The following DAAM1 variants were observed in gnomAD, a reference collection of about 807,000 sequenced individuals.
DAAM1 encodes disheveled-associated activator of morphogenesis 1.
Under a neutral mutation model 130.0 loss-of-function variants are expected in DAAM1, and 52 were observed. The observed-to-expected ratio is 0.40, with a 90% CI of 0.32 to 0.50. The LOEUF (loss-of-function observed/expected upper bound fraction) is 0.50, where lower values mean the gene tolerates loss of function less well. Among genes scored for constraint, DAAM1 ranks in the 20% least tolerant of loss-of-function variants. The pLI, the probability that DAAM1 is intolerant of heterozygous loss-of-function variation, is 0.61. For missense variants in DAAM1, 1,134 were observed against 1,303.8 expected, an observed-to-expected ratio of 0.87 and a Z score of 2.01; for synonymous variants, 452 against 444.5, an observed-to-expected ratio of 1.02 and a Z score of -0.21.
At position 59,327,402 on chromosome 14, in the gene DAAM1, C is replaced by CTTTTTTTTTTTTTTTT. The variant is rs386381493; in HGVS notation, c.1372+420_1372+435dup. On this transcript the variant is annotated intron_variant, in intron 12 of 24. Coordinates refer to ENST00000360909, the MANE Select transcript of DAAM1 (RefSeq NM_001270520.2). The stretch of plus-strand genomic sequence containing the variant: ...AAGAGAAGAACAGGTCACTTGGTTT[C>CTTTTTTTTTTTTTTTT]TTTTTTTTTTTTTTTTTTTTTTTTG... Among the ~76,000 whole-genome samples the CTTTTTTTTTTTTTTTT allele has an allele frequency of 8.8e-4, 52 of 58,988 alleles. 7 individuals carry two copies. The highest frequency in any genetic ancestry group is 2.0e-3 in the East Asian group (4 of 2,046). 38.7% of individuals were successfully genotyped at this position (58,988 alleles called of 152,430 possible). A position where few individuals can be genotyped will look rare whatever the true frequency, so the allele number is the denominator to read the frequency against.
intron 20 of DAAM1, among the ~76,000 whole-genome samples, chr14:59,358,716 G>A (rs1003229856): frequency 7.2e-5 from 11 of 151,878 alleles, no homozygotes; most frequent in South Asian, 2.1e-4. Flanking sequence ...GGTGGCTGGC[G>A]CCTGTAATCC....
At chr14:59,223,768 A>G (rs896594978) in intron 1 of DAAM1, among the ~76,000 whole-genome samples, 2 of 152,172 alleles carry the variant, frequency 1.3e-5, no homozygotes, top group Non-Finnish European at 2.9e-5. Context: ...GGCCAAATAT[A>G]ACAACTTGTA....
At chr14:59,359,274 C>A in intron 20 of DAAM1, 123 bp from the exon 21 acceptor site, 1 of 728,544 alleles carries the variant, frequency 1.4e-6, no homozygotes, top group Non-Finnish European at 2.2e-6. Flanking sequence ...GGTAATATAG[C>A]ATTATTGTGG....
chr14:59,201,005 C>CA (rs1373846000), intron 1 of DAAM1, among the ~76,000 whole-genome samples: 8 of 151,552 alleles, frequency 5.3e-5, no homozygotes, highest in African/African-American at 1.7e-4. Context: ...ACTAAAAATA[C>CA]AAAAAATCAG....
At chr14:59,278,647 G>A (rs148353003) in intron 2 of DAAM1, among the ~76,000 whole-genome samples, 94 of 152,260 alleles carry the variant, frequency 6.2e-4, no homozygotes, top group African/African-American at 2.3e-3. Flanking sequence ...AGGACTTCTT[G>A]TTAATATTAA....
chr14:59,245,152 A>G (rs1179935770), intron 1 of DAAM1, among the ~76,000 whole-genome samples: 2 of 152,222 alleles, frequency 1.3e-5, no homozygotes, highest in Non-Finnish European at 2.9e-5. Flanking sequence ...GATCAAATGC[A>G]TCCTTCAAAT....
chr14:59,306,227 G>T (rs1290050245), intron 3 of DAAM1, among the ~76,000 whole-genome samples: 1 of 152,172 alleles, frequency 6.6e-6, no homozygotes, highest in Non-Finnish European at 1.5e-5. Flanking sequence ...GTTCAGAAAT[G>T]TGTAAGTCTA....
At chr14:59,292,879 C>T (rs1883806323) in intron 3 of DAAM1, among the ~76,000 whole-genome samples, 1 of 152,146 alleles carries the variant, frequency 6.6e-6, no homozygotes, top group African/African-American at 2.4e-5. Context: ...TCTTTGTATA[C>T]ATTGAACCAA....
At chr14:59,301,920 G>A (rs1024730892) in intron 3 of DAAM1, among the ~76,000 whole-genome samples, 3 of 152,192 alleles carry the variant, frequency 2.0e-5, no homozygotes, top group Admixed American at 6.5e-5. Context: ...AAAAATGTGT[G>A]TGCTTTGTGG....
At chr14:59,268,981 T>C (rs765797000) in intron 2 of DAAM1, among the ~76,000 whole-genome samples, 4 of 152,244 alleles carry the variant, frequency 2.6e-5, no homozygotes, top group African/African-American at 4.8e-5. Context: ...AAGTAACTTT[T>C]TTATGTTAGC....
At chr14:59,198,556 A>G (rs1312738986) in intron 1 of DAAM1, among the ~76,000 whole-genome samples, 3 of 152,110 alleles carry the variant, frequency 2.0e-5, no homozygotes, top group South Asian at 2.1e-4. Context: ...TTTCTTCTCT[A>G]CAGCCTGATC....
chr14:59,338,483 C>T (rs1475393479), intron 15 of DAAM1: 13 of 1,555,396 alleles, frequency 8.4e-6, no homozygotes, highest in South Asian at 2.3e-5. Context: ...GAAATCTCTT[C>T]GTTATCCAGG....
At position 59,315,369 on chromosome 14, in the gene DAAM1, T is replaced by C. The variant is rs762576465; in HGVS notation, c.345+18T>C. On this transcript the variant is annotated intron_variant, in intron 4 of 24. Transcript: ENST00000360909. ...TGGCTGCTGTAAGTAGACTTTTATG[T>C]TCTTTGACACACTGTTTAAAATGCA... The C allele has an allele frequency of 3.1e-6, 5 of 1,610,748 alleles. No individual in the cohort carries two copies. The highest frequency in any genetic ancestry group is 4.2e-6 in the Non-Finnish European group (5 of 1,177,426).
intron 1 of DAAM1, among the ~76,000 whole-genome samples, chr14:59,200,891 G>A (rs1038789705): frequency 6.6e-6 from 1 of 152,158 alleles, no homozygotes; most frequent in Admixed American, 6.5e-5. Flanking sequence ...GCGGGGTGCG[G>A]TGGCTCGCTC....
rs80020432 is a variant in DAAM1 at position 59,356,223 on chromosome 14, A to G, written c.2525+890A>G. On this transcript the variant is annotated intron_variant, in intron 20 of 24. Coordinates refer to ENST00000360909, the MANE Select transcript of DAAM1 (RefSeq NM_001270520.2). The stretch of plus-strand genomic sequence containing the variant: ...GGGCTGTTCACCCTAATTATTTCTA[A>G]CTAATAGGGGCTTTTACCCTATATT... Among the ~76,000 whole-genome samples the G allele has an allele frequency of 5.2e-3, 797 of 152,310 alleles. 9 individuals are homozygous for G. Among genetic ancestry groups the G allele is most frequent in the African/African-American group, 0.018 (758 of 41,558 alleles).
At position 59,369,880 on chromosome 14, in the gene DAAM1, A is replaced by G. The variant is rs1887090371; in HGVS notation, c.*1021A>G. 6.6e-6 allele frequency: 1 copy of G among 151,884 alleles called. No homozygotes were observed. Among genetic ancestry groups the G allele is most frequent in the Non-Finnish European group, 1.5e-5 (1 of 67,936 alleles). 9.4% of individuals were successfully genotyped at this position (151,884 alleles called of 1,614,324 possible). A position where few individuals can be genotyped will look rare whatever the true frequency, so the allele number is the denominator to read the frequency against. ...GGACTAAAGGATACATAAAGAATGCACAAAATGTCAACATCAGCAGAGATG... is the reference window on the plus strand; with the variant it reads ...GGACTAAAGGATACATAAAGAATGCGCAAAATGTCAACATCAGCAGAGATG... On this transcript the variant is annotated 3_prime_UTR_variant, in exon 25 of 25. Transcript: ENST00000360909.
chr14:59,363,596 G>A (rs900973967), intron 22 of DAAM1, 55 bp from the exon 23 acceptor site: 2 of 1,609,372 alleles, frequency 1.2e-6, no homozygotes, highest in Admixed American at 3.3e-5. Context: ...GACGAGGTGT[G>A]TCTCATGTCT....
intron 1 of DAAM1, among the ~76,000 whole-genome samples, chr14:59,260,376 A>G (rs1401253658): frequency 6.6e-6 from 1 of 152,230 alleles, no homozygotes; most frequent in Non-Finnish European, 1.5e-5. Flanking sequence ...GGTAATCTCT[A>G]CATTTGTCAC....
chr14:59,362,019 C>CTT lies in DAAM1; in HGVS notation c.2694+1171_2694+1172dup, dbSNP rs35080349. ...TTAAGGAGCATGTGAGGTTTTTTTC[C>CTT]TTTTTTTTTTTTTTTAATGTAGGGA... is the stretch of plus-strand genomic sequence containing the variant. On this transcript the variant is annotated intron_variant, in intron 22 of 24. Coordinates refer to ENST00000360909, the MANE Select transcript of DAAM1 (RefSeq NM_001270520.2). Among the ~76,000 whole-genome samples, 778 of 121,712 alleles carry CTT rather than the reference C, an allele frequency of 6.4e-3. 8 individuals are homozygous for CTT. The highest frequency in any genetic ancestry group is 7.6e-3 in the African/African-American group (242 of 31,988). The allele number at this position is 121,712 out of a possible 152,430, so 79.8% of individuals were successfully genotyped here.
Sources: gnomAD v4.1 joint callset for allele counts (sites outside exome capture counted in the v4.1 genomes callset) on GRCh38, gnomAD v4.1.1 for gene constraint, MANE v1.5 for transcripts, NCBI Gene and HGNC (gene_info 2026-07-23, HGNC 2026-07-21) for gene names.